The following ZNF592 variants were observed in gnomAD, a reference collection of about 807,000 sequenced individuals.
The protein encoded by ZNF592 is spinocerebellar ataxia, autosomal recessive 5.
A neutral mutation model predicts 80.3 loss-of-function variants in ZNF592; 11 were observed. The observed-to-expected ratio is 0.14, with a 90% CI of 0.09 to 0.23. The LOEUF (loss-of-function observed/expected upper bound fraction) is 0.23, where lower values mean the gene tolerates loss of function less well. ZNF592 is among the 10% of genes least tolerant of loss of function. The probability of loss-of-function intolerance (pLI) is 1.00; values close to 1 mark genes in which losing one functional copy is unlikely to be tolerated. For synonymous variants in ZNF592, 646 were observed against 640.3 expected, an observed-to-expected ratio of 1.01 and a Z score of -0.13; for missense variants, 1,420 against 1,633.9, an observed-to-expected ratio of 0.87 and a Z score of 2.26.
rs556292462 is a variant in ZNF592 at position 84,798,736 on chromosome 15, G to A, written c.2885G>A (p.Arg962His). 6.8e-6 allele frequency: 11 copies of A among 1,610,388 alleles called. 1 individual carries two copies. The East Asian group carries it at 8.9e-5, about 13-fold the overall frequency. Residue 962 changes from arginine (R) to histidine (H), a missense_variant, in exon 8 of 11, where the codon CGC becomes CAC. Arg to His is a conservative substitution (Grantham distance 29, BLOSUM62 0). Around this residue, in one of 7 missense-constraint regions of ZNF592, gnomAD observed 331 missense variants for 347.0 expected, o/e 0.95. Transcript: ENST00000560079. This position sits in a 1 kb window ranked among gnomAD's most constrained non-coding sequence, Gnocchi z 4.5. Reference sequence around the variant, plus strand: ...CGGAGCAGCTCCCTGCCTTCTGGCCGCTGGGGTAGGCCTGAAGCCCACCGC... The same window carrying A: ...CGGAGCAGCTCCCTGCCTTCTGGCCACTGGGGTAGGCCTGAAGCCCACCGC... ...AARSSSLPSG[R>H]WGRPEAHRRV...
At chr15:84,762,852 A>G (rs1899391476) in intron 1 of ZNF592, among the ~76,000 whole-genome samples, 1 of 152,116 alleles carries the variant, frequency 6.6e-6, no homozygotes, top group Non-Finnish European at 1.5e-5. Flanking sequence ...AGTGGTTTAA[A>G]TTTAATGGTT....
intron 5 of ZNF592, among the ~76,000 whole-genome samples, chr15:84,795,860 C>T (rs546929425): frequency 1.1e-4 from 17 of 152,100 alleles, no homozygotes; most frequent in African/African-American, 3.4e-4. Flanking sequence ...ATTAAATTTT[C>T]GAAGGTGATT....
chr15:84,801,705 A>G (rs1004673385), intron 10 of ZNF592, among the ~76,000 whole-genome samples, 158 bp from the exon 11 acceptor site: 3 of 152,142 alleles, frequency 2.0e-5, no homozygotes, highest in Non-Finnish European at 4.4e-5. Flanking sequence ...ACATTACAAA[A>G]CAAAGAATTG....
intron 1 of ZNF592, among the ~76,000 whole-genome samples, chr15:84,760,546 T>C (rs1306394004): frequency 6.6e-6 from 1 of 152,154 alleles, no homozygotes; most frequent in Non-Finnish European, 1.5e-5. Flanking sequence ...GTGTCCACTG[T>C]GGTATCCACA....
chr15:84,789,061 A>C (rs981863967), intron 4 of ZNF592, among the ~76,000 whole-genome samples: 2 of 150,730 alleles, frequency 1.3e-5, no homozygotes, highest in Non-Finnish European at 2.9e-5. Flanking sequence ...AAAAAAAAAA[A>C]ACAAAAAAAA....
intron 4 of ZNF592, among the ~76,000 whole-genome samples, chr15:84,787,780 G>A (rs1962632561): frequency 6.6e-6 from 1 of 152,154 alleles, no homozygotes; most frequent in Non-Finnish European, 1.5e-5. Context: ...GTCAAAAAAT[G>A]TCTTTTTACA....
At chr15:84,796,099 G>A (rs1201146904) in intron 5 of ZNF592, among the ~76,000 whole-genome samples, 3 of 150,354 alleles carry the variant, frequency 2.0e-5, no homozygotes, top group African/African-American at 7.4e-5. Flanking sequence ...GCAGGCACCT[G>A]TAATCCCAGC....
rs766377812 is a variant in ZNF592, at chr15:84,804,747, AT to A, written c.*2356del. The stretch of plus-strand genomic sequence containing the variant: ...GTCTGCTGTTTGGACTTGGATGCTG[AT>A]TAGCAGTTATGAAGTGGCCCAGACA... On this transcript the variant is annotated 3_prime_UTR_variant, in exon 11 of 11. Coordinates refer to ENST00000560079, the MANE Select transcript of ZNF592 (RefSeq NM_014630.3). 1.3e-5 allele frequency: 2 copies of A among 152,240 alleles called. No individual in the cohort carries two copies. Among genetic ancestry groups the A allele is most frequent in the Non-Finnish European group, 2.9e-5 (2 of 68,056 alleles). 9.4% of individuals were successfully genotyped at this position (152,240 alleles called of 1,614,324 possible). A position where few individuals can be genotyped will look rare whatever the true frequency, so the allele number is the denominator to read the frequency against.
At chr15:84,773,388 T>G (rs1018060274) in intron 2 of ZNF592, among the ~76,000 whole-genome samples, 5 of 152,186 alleles carry the variant, frequency 3.3e-5, no homozygotes, top group African/African-American at 1.2e-4. Flanking sequence ...ATTTTTTGTA[T>G]TTTTAGTAGA....
chr15:84,801,948 A>G lies in ZNF592; in HGVS notation c.3359A>G (p.His1120Arg). Reference sequence around the variant, plus strand: ...GCAACTGTCTCTTCCACCAAAAGGCACAAGTCCCTTTTTCAGTGCGCGAAA... The same window carrying G: ...GCAACTGTCTCTTCCACCAAAAGGCGCAAGTCCCTTTTTCAGTGCGCGAAA... ...NGATVSSTKR[H>R]KSLFQCAKCS... Residue 1120 changes from histidine (H) to arginine (R), a missense_variant, in exon 11 of 11, where the codon CAC (histidine) becomes CGC (arginine). By Grantham distance (29) the His-to-Arg change is conservative. Transcript: ENST00000560079. The G allele has an allele frequency of 6.2e-7, 1 of 1,613,988 alleles. No homozygotes were observed. The highest frequency in any genetic ancestry group is 8.5e-7 in the Non-Finnish European group (1 of 1,179,874).
chr15:84,751,087 A>G (rs1025829165), intron 1 of ZNF592, among the ~76,000 whole-genome samples: 2 of 152,234 alleles, frequency 1.3e-5, no homozygotes, highest in Non-Finnish European at 2.9e-5. Flanking sequence ...AAAAGCCTCA[A>G]GCAGTCTGGG....
At chr15:84,796,977 C>T (rs571066982) in intron 5 of ZNF592, among the ~76,000 whole-genome samples, 20 of 152,094 alleles carry the variant, frequency 1.3e-4, no homozygotes, top group Middle Eastern at 3.2e-3. Context: ...CCCGCTCCCC[C>T]CCAAGAGACA....
At chr15:84,796,267 TTATA>T (rs1165913540) in intron 5 of ZNF592, among the ~76,000 whole-genome samples, 37 of 44,228 alleles carry the variant, frequency 8.4e-4, no homozygotes, top group South Asian at 2.1e-3. Flanking sequence ...TATATATATT[TTATA>T]TATATATATA....
intron 2 of ZNF592, among the ~76,000 whole-genome samples, chr15:84,770,537 T>G (rs1008044307): frequency 3.3e-5 from 5 of 152,168 alleles, no homozygotes; most frequent in Admixed American, 3.3e-4. Context: ...GTGTAGGTGC[T>G]CAAGAGCAGG....
chr15:84,764,759 G>C lies in ZNF592; in HGVS notation c.-206G>C. On this transcript the variant is annotated 5_prime_UTR_variant, in exon 2 of 11. Coordinates refer to ENST00000560079, the MANE Select transcript of ZNF592 (RefSeq NM_014630.3). ...CTAGGTAGAAGTTTTTCCTTTCTCC[G>C]CAGCTCTGCTCCCCTAGCAACGCTC... 2.5e-6 allele frequency: 1 copy of C among 398,814 alleles called. No homozygotes were observed. The highest frequency in any genetic ancestry group is 4.4e-6 in the Non-Finnish European group (1 of 226,062). The allele number at this position is 398,814 out of a possible 1,614,324, so 24.7% of individuals were successfully genotyped here. A position where few individuals can be genotyped will look rare whatever the true frequency, so the allele number is the denominator to read the frequency against.
intron 5 of ZNF592, among the ~76,000 whole-genome samples, chr15:84,796,059 T>C (rs2141997565): frequency 6.6e-6 from 1 of 150,918 alleles, no homozygotes; most frequent in East Asian, 1.9e-4. Flanking sequence ...CCGTCTCTAC[T>C]AAAAATACAA....
At chr15:84,785,809 A>G (rs916972809) in intron 4 of ZNF592, among the ~76,000 whole-genome samples, 1 of 151,964 alleles carries the variant, frequency 6.6e-6, no homozygotes, top group Non-Finnish European at 1.5e-5. Flanking sequence ...ACTCCAGGAA[A>G]GCAACTGTGC....
Position 84,794,961 on chromosome 15 carries a change from A to G in ZNF592, c.2400-2908A>G, listed in dbSNP as rs1163952118. On this transcript the variant is annotated intron_variant, in intron 5 of 10. Coordinates refer to ENST00000560079, the MANE Select transcript of ZNF592 (RefSeq NM_014630.3). ...TTAATTTTTTTAGTAAATTCTCAAGATACCTATGTTCCATTTTATTGAACT... is the reference window on the plus strand; with the variant it reads ...TTAATTTTTTTAGTAAATTCTCAAGGTACCTATGTTCCATTTTATTGAACT... 2.0e-5 allele frequency among the ~76,000 whole-genome samples: 3 copies of G among 152,172 alleles called. No individual in the cohort carries two copies. The East Asian group carries it at 5.8e-4, about 29-fold the overall frequency.
At position 84,803,713 on chromosome 15, in the gene ZNF592, T is replaced by G. The variant is rs2141531792; in HGVS notation, c.*1320T>G. The G allele has an allele frequency of 6.6e-6, 1 of 152,386 alleles. No homozygotes were observed. Among genetic ancestry groups the G allele is most frequent in the East Asian group, 1.9e-4 (1 of 5,194 alleles). The allele number at this position is 152,386 out of a possible 1,614,324, so 9.4% of individuals were successfully genotyped here. Reference sequence around the variant, plus strand: ...TTTCTTATAGCATTCAAGAGGTTTCTTATTTCTTACAGCATCGCTACTGCC... The same window carrying G: ...TTTCTTATAGCATTCAAGAGGTTTCGTATTTCTTACAGCATCGCTACTGCC... On this transcript the variant is annotated 3_prime_UTR_variant, in exon 11 of 11. Transcript: ENST00000560079.
Sources: allele counts gnomAD v4.1 joint callset (sites outside exome capture counted in the v4.1 genomes callset), GRCh38; gene constraint gnomAD v4.1.1; regional missense constraint gnomAD v4.1.1; non-coding constraint Gnocchi (gnomAD v3.1); transcripts MANE v1.5; gene names NCBI Gene and HGNC (gene_info 2026-07-23, HGNC 2026-07-21).